SLC33A1: variants seen among roughly 807,000 people sequenced by gnomAD.
SLC33A1 encodes the protein solute carrier family 33 member 1, also known as acetyl-coenzyme A transporter 1.
In SLC33A1, 20 loss-of-function variants were observed where a neutral mutation model predicts 50.0. That is an observed-to-expected ratio of 0.40 (90% confidence interval 0.28 to 0.58). The LOEUF (loss-of-function observed/expected upper bound fraction) is 0.58, where lower values mean the gene tolerates loss of function less well. Among genes scored for constraint, SLC33A1 ranks in the 20% least tolerant of loss-of-function variants. SLC33A1 has a pLI of 0.44. For missense variants in SLC33A1, 476 were observed against 657.0 expected, an observed-to-expected ratio of 0.72 and a Z score of 3.01; for synonymous variants, 265 against 251.8, an observed-to-expected ratio of 1.05 and a Z score of -0.50.
At chr3:155,838,175 C>T (rs935209793) in intron 2 of SLC33A1, among the ~76,000 whole-genome samples, 9 of 151,694 alleles carry the variant, frequency 5.9e-5, no homozygotes, top group African/African-American at 9.7e-5. Context: ...TGGTGGTGCA[C>T]GCCTGTAATC....
intron 4 of SLC33A1, among the ~76,000 whole-genome samples, chr3:155,830,211 A>C (rs1275592990): frequency 6.7e-6 from 1 of 150,296 alleles, no homozygotes; most frequent in Non-Finnish European, 1.5e-5. Context: ...AAAAATACAA[A>C]AAAAAAAAAA....
chr3:155,822,572 C>T lies in SLC33A1; in HGVS notation c.*5638G>A, dbSNP rs1193657795. 2.9e-4 allele frequency: 22 copies of T among 76,626 alleles called. No homozygotes were observed. The highest frequency in any genetic ancestry group is 1.3e-3 in the African/African-American group (22 of 16,586). The allele number at this position is 76,626 out of a possible 1,614,324, so 4.7% of individuals were successfully genotyped here. A position where few individuals can be genotyped will look rare whatever the true frequency, so the allele number is the denominator to read the frequency against. ...CAGCCTGGGCGACAGAGCAAGACTCCATCTCAAAAAAAAAAAAAAAAAGAA... is the reference window on the plus strand; with the variant it reads ...CAGCCTGGGCGACAGAGCAAGACTCTATCTCAAAAAAAAAAAAAAAAAGAA... On this transcript the variant is annotated 3_prime_UTR_variant, in exon 6 of 6. Coordinates refer to ENST00000643144, the MANE Select transcript of SLC33A1 (RefSeq NM_004733.4).
chr3:155,844,455 ATATTT>A (rs1753074739), intron 1 of SLC33A1, among the ~76,000 whole-genome samples: 1 of 23,964 alleles, frequency 4.2e-5, no homozygotes, highest in African/African-American at 1.4e-4. Flanking sequence ...ATATATATAT[ATATTT>A]TTTTTTTTTT....
At chr3:155,847,414 C>G (rs11928152) in intron 1 of SLC33A1, among the ~76,000 whole-genome samples, 14,933 of 151,968 alleles carry the variant, frequency 0.098, 1,657 homozygotes, top group African/African-American at 0.25. Flanking sequence ...AGAAATTTGT[C>G]ATCAGGTAGG....
In SLC33A1 at chr3:155,824,373, C is replaced by A. The variant is rs1159603515; in HGVS notation, c.*3837G>T. The A allele has an allele frequency of 6.6e-6, 1 of 152,086 alleles. No individual in the cohort carries two copies. Among genetic ancestry groups the A allele is most frequent in the Non-Finnish European group, 1.5e-5 (1 of 68,032 alleles). 9.4% of individuals were successfully genotyped at this position (152,086 alleles called of 1,614,324 possible). ...TTCAGCTTTTATATCAAATAATGGT[C>A]TCAACCATTTAATACAAAGCAACAT... is the stretch of plus-strand genomic sequence containing the variant. On this transcript the variant is annotated 3_prime_UTR_variant, in exon 6 of 6. Transcript: ENST00000643144.
Position 155,828,094 on chromosome 3 carries a change from A to G in SLC33A1, c.*116T>C, listed in dbSNP as rs1752260193. The stretch of plus-strand genomic sequence containing the variant: ...TTTTTTCAACCATTTGGCATTTTAT[A>G]TTATTAATTTCGCTGTTTAAAATAA... On this transcript the variant is annotated 3_prime_UTR_variant, in exon 6 of 6. Transcript: ENST00000643144. 1.3e-6 allele frequency: 1 copy of G among 745,494 alleles called. No homozygotes were observed. Among genetic ancestry groups the G allele is most frequent in the Admixed American group, 2.4e-5 (1 of 41,552 alleles). The allele number at this position is 745,494 out of a possible 1,614,324, so 46.2% of individuals were successfully genotyped here.
At chr3:155,833,169 A>T (rs1577459604) in intron 4 of SLC33A1, among the ~76,000 whole-genome samples, 2 of 152,074 alleles carry the variant, frequency 1.3e-5, no homozygotes, top group Admixed American at 6.6e-5. Flanking sequence ...GAAATGCTTG[A>T]ACCTAGGAGG....
chr3:155,846,808 A>G (rs553728710), intron 1 of SLC33A1, among the ~76,000 whole-genome samples: 15 of 152,128 alleles, frequency 9.9e-5, no homozygotes, highest in Non-Finnish European at 1.6e-4. Context: ...CTGTCTCCCC[A>G]TATGGTGATA....
chr3:155,851,927 T>C (rs182684292), intron 1 of SLC33A1, among the ~76,000 whole-genome samples: 54 of 152,270 alleles, frequency 3.5e-4, no homozygotes, highest in African/African-American at 1.2e-3. Context: ...GAAAATAGTG[T>C]AGTTGTGACA....
At chr3:155,853,060 G>C (rs982899747) in intron 1 of SLC33A1, 163 bp downstream of exon 1, 2 of 651,564 alleles carry the variant, frequency 3.1e-6, no homozygotes, top group South Asian at 1.9e-5. Flanking sequence ...CATTCATTTT[G>C]GCTTTAATAT....
chr3:155,825,662 C>G lies in SLC33A1; in HGVS notation c.*2548G>C, dbSNP rs1226829611. ...AACTCAGATGTATATATGCGGCAACCAATGTGCATATGGAGATACTGACAT... is the reference window on the plus strand; with the variant it reads ...AACTCAGATGTATATATGCGGCAACGAATGTGCATATGGAGATACTGACAT... On this transcript the variant is annotated 3_prime_UTR_variant, in exon 6 of 6. Coordinates refer to ENST00000643144, the MANE Select transcript of SLC33A1 (RefSeq NM_004733.4). 1 of 152,124 alleles carries G rather than the reference C, an allele frequency of 6.6e-6. No homozygotes were observed. Among genetic ancestry groups the G allele is most frequent in the African/African-American group, 2.4e-5 (1 of 41,424 alleles). The allele number at this position is 152,124 out of a possible 1,614,324, so 9.4% of individuals were successfully genotyped here.
rs1752305146 is a variant in SLC33A1 at position 155,829,060 on chromosome 3, C to T, written c.1482+628G>A. On this transcript the variant is annotated intron_variant, in intron 5 of 5. Transcript: ENST00000643144. ...GGGACTACAGGCACACACCACCCCG[C>T]CCGGCTAATTTTTTGTATTTTAGTA... Among the ~76,000 whole-genome samples, 3 of 152,040 alleles carry T rather than the reference C, an allele frequency of 2.0e-5. No homozygotes were observed. The South Asian group carries it at 6.2e-4, about 32-fold the overall frequency.
intron 2 of SLC33A1, among the ~76,000 whole-genome samples, chr3:155,840,993 A>G (rs1197173414): frequency 6.6e-6 from 1 of 151,192 alleles, no homozygotes; most frequent in Non-Finnish European, 1.5e-5. Flanking sequence ...CAAAAAAAAT[A>G]TATATATATA....
In SLC33A1 at chr3:155,838,886, C is replaced by T. The variant is rs370194217; in HGVS notation, c.963+3546G>A. Reference sequence around the variant, plus strand: ...AAAATAGGCCGGGTGCGGTGGCTCACGCCTGTAATACTAGCACTTTGGGAG... The same window carrying T: ...AAAATAGGCCGGGTGCGGTGGCTCATGCCTGTAATACTAGCACTTTGGGAG... On this transcript the variant is annotated intron_variant, in intron 2 of 5. Coordinates refer to ENST00000643144, the MANE Select transcript of SLC33A1 (RefSeq NM_004733.4). 9.1e-4 allele frequency among the ~76,000 whole-genome samples: 138 copies of T among 151,902 alleles called. No homozygotes were observed. In the South Asian group the frequency reaches 0.015, roughly 16 times the overall value.
At chr3:155,835,973 AC>A (rs1489744815) in intron 2 of SLC33A1, among the ~76,000 whole-genome samples, 1 of 150,124 alleles carries the variant, frequency 6.7e-6, no homozygotes, top group African/African-American at 2.4e-5. Context: ...TCAATATCAC[AC>A]AATTTTTTTT....
intron 2 of SLC33A1, among the ~76,000 whole-genome samples, chr3:155,841,993 C>T (rs1752955728): frequency 6.6e-6 from 1 of 152,156 alleles, no homozygotes. Flanking sequence ...GGTAATCCAC[C>T]TGCCTCGGCC....
chr3:155,843,422 T>A (rs1392795417), intron 1 of SLC33A1, among the ~76,000 whole-genome samples: 3 of 152,168 alleles, frequency 2.0e-5, no homozygotes, highest in Non-Finnish European at 4.4e-5. Context: ...TAATATGATA[T>A]AAAAGGCATT....
At chr3:155,848,672 ACTC>A (rs1753277348) in intron 1 of SLC33A1, among the ~76,000 whole-genome samples, 1 of 151,994 alleles carries the variant, frequency 6.6e-6, no homozygotes, top group South Asian at 2.1e-4. Flanking sequence ...ACAAAGTGAG[ACTC>A]TGTCTCAACA....
Position 155,833,830 on chromosome 3 carries a change from T to A in SLC33A1, c.1148+27A>T, listed in dbSNP as rs1752547505. 4.5e-6 allele frequency: 7 copies of A among 1,557,466 alleles called. No individual in the cohort carries two copies. In the Admixed American group the frequency reaches 1.2e-4, roughly 26 times the overall value. On this transcript the variant is annotated intron_variant, in intron 3 of 5. Coordinates refer to ENST00000643144, the MANE Select transcript of SLC33A1 (RefSeq NM_004733.4). ...ATGTTCCTCATTTTACCCTTTCTTA[T>A]TTAGTAAGGTTTTATTTCATTTTTA...
Sources: allele counts gnomAD v4.1 joint callset (sites outside exome capture counted in the v4.1 genomes callset), GRCh38; gene constraint gnomAD v4.1.1; transcripts MANE v1.5; gene names NCBI Gene and HGNC (gene_info 2026-07-23, HGNC 2026-07-21).